LPP: variants seen among roughly 807,000 people sequenced by gnomAD.
LPP encodes LIM domain containing preferred translocation partner in lipoma.
In LPP, 38 loss-of-function variants were observed where a neutral mutation model predicts 60.4. The observed-to-expected ratio is 0.63, with a 90% CI of 0.49 to 0.83. LPP has a LOEUF of 0.83. LPP is among the 40% of genes least tolerant of loss of function. The pLI is 0.00. For synonymous variants in LPP, 328 were observed against 290.8 expected, an observed-to-expected ratio of 1.13 and a Z score of -1.30; for missense variants, 902 against 783.6, an observed-to-expected ratio of 1.15 and a Z score of -1.80.
intron 3 of LPP, among the ~76,000 whole-genome samples, chr3:188,346,914 G>A (rs1430024825): frequency 6.6e-6 from 1 of 152,154 alleles, no homozygotes; most frequent in African/African-American, 2.4e-5. Flanking sequence ...TGGCATGTAT[G>A]TATCTCAAAC....
At chr3:188,464,258 A>T (rs1799818962) in intron 4 of LPP, among the ~76,000 whole-genome samples, 1 of 152,204 alleles carries the variant, frequency 6.6e-6, no homozygotes, top group Non-Finnish European at 1.5e-5. Context: ...ACCATTTTAA[A>T]TACAGTATGA....
At chr3:188,445,457 G>T (rs578020748) in intron 4 of LPP, among the ~76,000 whole-genome samples, 14 of 152,232 alleles carry the variant, frequency 9.2e-5, no homozygotes, top group African/African-American at 3.4e-4. Flanking sequence ...CATGGACACA[G>T]GGAGGGTAAC....
intron 6 of LPP, among the ~76,000 whole-genome samples, chr3:188,581,741 A>C (rs1836203422): frequency 6.6e-6 from 1 of 152,222 alleles, no homozygotes; most frequent in Admixed American, 6.5e-5. Context: ...CCTAAATCGT[A>C]AAAATTAAAA....
chr3:188,363,221 C>T (rs535879091), intron 3 of LPP, among the ~76,000 whole-genome samples: 37 of 152,236 alleles, frequency 2.4e-4, no homozygotes, highest in African/African-American at 7.7e-4. Flanking sequence ...TTGATTTCCA[C>T]GCCCGGTTTT....
intron 9 of LPP, among the ~76,000 whole-genome samples, chr3:188,814,137 A>G (rs1751844958): frequency 6.6e-6 from 1 of 152,102 alleles, no homozygotes. Context: ...ACACACGTCT[A>G]TTTAGCATCT....
At chr3:188,518,432 T>C (rs1035885501) in intron 5 of LPP, among the ~76,000 whole-genome samples, 1 of 152,226 alleles carries the variant, frequency 6.6e-6, no homozygotes, top group Non-Finnish European at 1.5e-5. Flanking sequence ...TAAGACAGTT[T>C]TATATTCCTA....
chr3:188,241,264 G>A (rs1724666350), intron 2 of LPP, among the ~76,000 whole-genome samples: 1 of 152,206 alleles, frequency 6.6e-6, no homozygotes, highest in African/African-American at 2.4e-5. Flanking sequence ...TTGCCCTGAA[G>A]TACATGCTGT....
At chr3:188,558,072 ATC>A (rs1179649898) in intron 6 of LPP, among the ~76,000 whole-genome samples, 4 of 152,254 alleles carry the variant, frequency 2.6e-5, no homozygotes, top group African/African-American at 9.6e-5. Flanking sequence ...ACAAAATAGT[ATC>A]TCTACCTCAA....
At chr3:188,197,949 G>A (rs1054850145) in intron 1 of LPP, among the ~76,000 whole-genome samples, 2 of 152,196 alleles carry the variant, frequency 1.3e-5, no homozygotes, top group African/African-American at 4.8e-5. Context: ...AGTTGGATTT[G>A]GATCTCGCCC....
At chr3:188,854,646 C>T (rs1228258852) in intron 9 of LPP, among the ~76,000 whole-genome samples, 1 of 152,212 alleles carries the variant, frequency 6.6e-6, no homozygotes, top group Non-Finnish European at 1.5e-5. Context: ...GTTCTCTTTG[C>T]CACTCCCAGG....
chr3:188,252,071 TATATACAC>T (rs1471684578), intron 2 of LPP, among the ~76,000 whole-genome samples: 22 of 93,864 alleles, frequency 2.3e-4, no homozygotes, highest in African/African-American at 9.9e-4. Context: ...TATATATATA[TATATACAC>T]ACACACACAC....
At position 188,245,672 on chromosome 3, in the gene LPP, T is replaced by G. The variant is rs537551868; in HGVS notation, c.-67+20145T>G. On this transcript the variant is annotated intron_variant, in intron 2 of 11. Transcript: ENST00000617246. ...ACCCCACACTTTTTTTTTTTTAAGA[T>G]CAAAATAACGTTGCATTTGTGTGTG... Among the ~76,000 whole-genome samples, 6 of 151,874 alleles carry G rather than the reference T, an allele frequency of 4.0e-5. No individual in the cohort carries two copies. The East Asian group carries it at 1.2e-3, about 29-fold the overall frequency.
chr3:188,887,346 A>G lies in LPP; in HGVS notation c.*12867A>G, dbSNP rs1278879816. The G allele has an allele frequency of 1.8e-5, 4 of 216,616 alleles. No homozygotes were observed. Among genetic ancestry groups the G allele is most frequent in the East Asian group, 6.8e-5 (1 of 14,678 alleles). The allele number at this position is 216,616 out of a possible 1,614,324, so 13.4% of individuals were successfully genotyped here. On this transcript the variant is annotated 3_prime_UTR_variant, in exon 12 of 12. Transcript: ENST00000617246. ...CTCTCTTTCTCTTTGGGTGACAGCA[A>G]TGCTCACTTAGTAATTATAAACTGG... is the stretch of plus-strand genomic sequence containing the variant.
At chr3:188,780,564 T>G (rs1289968215) in intron 9 of LPP, among the ~76,000 whole-genome samples, 3 of 152,164 alleles carry the variant, frequency 2.0e-5, no homozygotes, top group Admixed American at 2.0e-4. Flanking sequence ...CTCTACCAGG[T>G]TCTTCAGCCA....
At chr3:188,266,761 C>CA (rs749142427) in intron 2 of LPP, among the ~76,000 whole-genome samples, 3 of 152,232 alleles carry the variant, frequency 2.0e-5, no homozygotes, top group Non-Finnish European at 4.4e-5. Flanking sequence ...GGTGGCTCTC[C>CA]AAGCATTCCA....
intron 7 of LPP, among the ~76,000 whole-genome samples, chr3:188,698,376 T>C (rs926522332): frequency 6.6e-6 from 1 of 152,138 alleles, no homozygotes; most frequent in African/African-American, 2.4e-5. Context: ...ATCTCTAATA[T>C]ATAACATCCA....
chr3:188,292,431 C>CA (rs1271464071), intron 2 of LPP, among the ~76,000 whole-genome samples: 1 of 152,204 alleles, frequency 6.6e-6, no homozygotes, highest in South Asian at 2.1e-4. Flanking sequence ...AAGCATGACT[C>CA]AAACATCTAG....
At chr3:188,545,913 G>C (rs1039137076) in intron 6 of LPP, among the ~76,000 whole-genome samples, 72 of 152,206 alleles carry the variant, frequency 4.7e-4, no homozygotes, top group Non-Finnish European at 2.1e-4. Context: ...ACAAGTTTGT[G>C]GGCAAGAGAC....
chr3:188,469,407 C>G (rs1167834101), intron 4 of LPP, among the ~76,000 whole-genome samples: 1 of 152,056 alleles, frequency 6.6e-6, no homozygotes, highest in Non-Finnish European at 1.5e-5. Flanking sequence ...GAGGACAAAA[C>G]TACCCTCTTT....
Sources: gnomAD v4.1 joint callset for allele counts (sites outside exome capture counted in the v4.1 genomes callset) on GRCh38, gnomAD v4.1.1 for gene constraint, MANE v1.5 for transcripts, NCBI Gene and HGNC (gene_info 2026-07-23, HGNC 2026-07-21) for gene names.